Variants in CADM2 observed in about 807,000 individuals in gnomAD.
CADM2 encodes the protein cell adhesion molecule 2, also known as immunoglobulin superfamily member 4D.
In CADM2, 12 loss-of-function variants were observed where a neutral mutation model predicts 49.8. That is an observed-to-expected ratio of 0.24 (90% CI 0.15 to 0.39). The LOEUF (loss-of-function observed/expected upper bound fraction) is 0.39, where lower values mean the gene tolerates loss of function less well. Among genes scored for constraint, CADM2 ranks in the 10% least tolerant of loss-of-function variants. CADM2 has a pLI of 1.00. For synonymous variants in CADM2, 214 were observed against 175.4 expected (o/e 1.22, Z -1.74); for missense variants, 378 against 492.3 (o/e 0.77, Z 2.20).
In CADM2 at chr3:85,768,401, G is replaced by A. The variant is rs7622006; in HGVS notation, c.89-33646G>A. On this transcript the variant is annotated intron_variant, in intron 2 of 9. Coordinates refer to ENST00000383699, the MANE Select transcript of CADM2 (RefSeq NM_001167675.2). ...GCAGAGGTTGCAGTGATCCCAGATCGCACCATTGCACTCCAAACTGGGCTA... is the reference window on the plus strand; with the variant it reads ...GCAGAGGTTGCAGTGATCCCAGATCACACCATTGCACTCCAAACTGGGCTA... Among the ~76,000 whole-genome samples, 375 of 151,218 alleles carry A rather than the reference G, an allele frequency of 2.5e-3. 1 individual carries two copies. Among genetic ancestry groups the A allele is most frequent in the African/African-American group, 8.8e-3 (364 of 41,186 alleles).
chr3:85,531,123 C>T (rs1195863023), intron 1 of CADM2, among the ~76,000 whole-genome samples: 1 of 152,134 alleles, frequency 6.6e-6, no homozygotes, highest in Non-Finnish European at 1.5e-5. Context: ...CACTGAATAT[C>T]CTTCTACTAA....
Position 85,693,908 on chromosome 3 carries a change from G to C in CADM2, c.62-32614G>C, listed in dbSNP as rs573582925. 5.3e-5 allele frequency among the ~76,000 whole-genome samples: 6 copies of C among 112,408 alleles called. No homozygotes were observed. In the South Asian group the frequency reaches 8.3e-4, roughly 15 times the overall value. The allele number at this position is 112,408 out of a possible 152,430, so 73.7% of individuals were successfully genotyped here. On this transcript the variant is annotated intron_variant, in intron 1 of 9. Coordinates refer to ENST00000383699, the MANE Select transcript of CADM2 (RefSeq NM_001167675.2). Reference sequence around the variant, plus strand: ...AAGACTCCCTCTAAAAAAAAAAAAAGAAAAAAGAAAAAAAAAAGAAAAGAA... The same window carrying C: ...AAGACTCCCTCTAAAAAAAAAAAAACAAAAAAGAAAAAAAAAAGAAAAGAA...
At chr3:85,444,467 A>ACC (rs35173861) in intron 1 of CADM2, among the ~76,000 whole-genome samples, 3 of 150,474 alleles carry the variant, frequency 2.0e-5, no homozygotes, top group Non-Finnish European at 4.4e-5. Flanking sequence ...ACACACACAC[A>ACC]CCCTTGCCCC....
chr3:85,986,789 G>A (rs1289077689), intron 8 of CADM2, among the ~76,000 whole-genome samples: 1 of 152,060 alleles, frequency 6.6e-6, no homozygotes, highest in Non-Finnish European at 1.5e-5. Flanking sequence ...TGTTCTATAG[G>A]TGGAGGTACT....
At chr3:85,037,601 T>C (rs2035272209) in intron 1 of CADM2, among the ~76,000 whole-genome samples, 1 of 152,214 alleles carries the variant, frequency 6.6e-6, no homozygotes, top group Non-Finnish European at 1.5e-5. Flanking sequence ...CTCCATTCTG[T>C]TTCTTTAAAA....
At chr3:85,390,161 G>A (rs536428444) in intron 1 of CADM2, among the ~76,000 whole-genome samples, 1 of 152,096 alleles carries the variant, frequency 6.6e-6, no homozygotes, top group South Asian at 2.1e-4. Flanking sequence ...TCTAATGGGA[G>A]ACCTCATGCT....
intron 1 of CADM2, among the ~76,000 whole-genome samples, chr3:85,294,347 G>C (rs2043892930): frequency 6.6e-6 from 1 of 151,988 alleles, no homozygotes; most frequent in African/African-American, 2.4e-5. Context: ...TCAATATCGT[G>C]AAAATGGCCA....
intron 1 of CADM2, among the ~76,000 whole-genome samples, chr3:85,393,361 A>G (rs2034614196): frequency 1.3e-5 from 2 of 152,196 alleles, no homozygotes; most frequent in Admixed American, 1.3e-4. Context: ...TGGTGGTACA[A>G]ACAATTAGAA....
chr3:85,330,886 T>A (rs531605295), intron 1 of CADM2, among the ~76,000 whole-genome samples: 1 of 152,052 alleles, frequency 6.6e-6, no homozygotes, highest in South Asian at 2.1e-4. Context: ...TGTTTGAGCC[T>A]GTGAGTTTGA....
chr3:85,870,385 T>C, intron 3 of CADM2, among the ~76,000 whole-genome samples: 1 of 152,126 alleles, frequency 6.6e-6, no homozygotes, highest in East Asian at 1.9e-4. Flanking sequence ...TAATTATTTT[T>C]TCCTGATTTC....
intron 1 of CADM2, among the ~76,000 whole-genome samples, chr3:85,490,964 A>G (rs2039645862): frequency 6.6e-6 from 1 of 152,204 alleles, no homozygotes; most frequent in Non-Finnish European, 1.5e-5. Flanking sequence ...AATTTATTTT[A>G]AAGGGCATCT....
chr3:85,888,048 A>G lies in CADM2; in HGVS notation c.529+1721A>G, dbSNP rs573996644. ...CACTAAAATGCACTTCTTAGATACA[A>G]TCCTTCAATGAATTACTTTATTACC... On this transcript the variant is annotated intron_variant, in intron 5 of 9. Coordinates refer to ENST00000383699, the MANE Select transcript of CADM2 (RefSeq NM_001167675.2). Among the ~76,000 whole-genome samples the G allele has an allele frequency of 2.0e-5, 3 of 152,160 alleles. No homozygotes were observed. In the South Asian group the frequency reaches 6.2e-4, roughly 32 times the overall value.
intron 3 of CADM2, among the ~76,000 whole-genome samples, chr3:85,882,288 T>C (rs916869590): frequency 6.6e-6 from 1 of 152,092 alleles, no homozygotes; most frequent in Admixed American, 6.6e-5. Context: ...TCTGGCTGTT[T>C]GCTGTTAGTA....
At chr3:85,375,877 G>C (rs540816367) in intron 1 of CADM2, among the ~76,000 whole-genome samples, 1 of 152,168 alleles carries the variant, frequency 6.6e-6, no homozygotes, top group East Asian at 1.9e-4. Flanking sequence ...ATTTGCACTA[G>C]AGAATAAATG....
chr3:85,499,683 A>G lies in CADM2; in HGVS notation c.62-226839A>G, dbSNP rs1239019099. On this transcript the variant is annotated intron_variant, in intron 1 of 9. Transcript: ENST00000383699. ...GGATTCATGTACCTTTTTAAGATAC[A>G]GTTGGGAAAAGAAAGTAAGGTGTTT... Among the ~76,000 whole-genome samples the G allele has an allele frequency of 2.6e-5, 4 of 152,042 alleles. 1 individual carries two copies. In the East Asian group the frequency reaches 7.7e-4, roughly 29 times the overall value.
chr3:85,102,818 G>A (rs1405594965), intron 1 of CADM2, among the ~76,000 whole-genome samples: 1 of 152,062 alleles, frequency 6.6e-6, no homozygotes, highest in South Asian at 2.1e-4. Flanking sequence ...GCCATTCCCT[G>A]TACCTCCCAT....
chr3:85,026,926 T>C (rs2034752505), intron 1 of CADM2, among the ~76,000 whole-genome samples: 1 of 151,964 alleles, frequency 6.6e-6, no homozygotes, highest in Non-Finnish European at 1.5e-5. Context: ...ACAACTATTT[T>C]ATGTACTACT....
intron 1 of CADM2, among the ~76,000 whole-genome samples, chr3:85,676,068 C>A (rs1388539258): frequency 3.3e-5 from 5 of 152,204 alleles, no homozygotes; most frequent in Non-Finnish European, 5.9e-5. Context: ...CTGGGCCGCT[C>A]ATGGCTATTG....
At chr3:86,016,834 T>C (rs192555871) in intron 8 of CADM2, among the ~76,000 whole-genome samples, 182 of 152,254 alleles carry the variant, frequency 1.2e-3, no homozygotes, top group Non-Finnish European at 2.4e-3. Flanking sequence ...TTCTTTTTTA[T>C]AACAAAGAAA....
Sources: allele counts gnomAD v4.1 joint callset (sites outside exome capture counted in the v4.1 genomes callset), GRCh38; gene constraint gnomAD v4.1.1; transcripts MANE v1.5; gene names NCBI Gene and HGNC (gene_info 2026-07-23, HGNC 2026-07-21).